The following IGSF23 variants were observed in gnomAD, a reference collection of about 807,000 sequenced individuals.
IGSF23 encodes the protein immunoglobulin superfamily member 23, also known as immunoglobulin superfamily, member 23.
Under a neutral mutation model 17.8 loss-of-function variants are expected in IGSF23, and 14 were observed. The observed-to-expected ratio is 0.79, with a 90% CI of 0.52 to 1.23. The LOEUF (loss-of-function observed/expected upper bound fraction) is 1.23. Ranked by LOEUF, IGSF23 falls within the 50% of genes most tolerant of loss-of-function variation. The pLI is 0.00. For synonymous variants in IGSF23, 85 were observed against 92.5 expected (o/e 0.92, Z 0.46); for missense variants, 214 against 241.7 (o/e 0.89, Z 0.76).
intron 1 of IGSF23, among the ~76,000 whole-genome samples, chr19:44,617,130 A>G (rs965731713): frequency 1.3e-5 from 2 of 151,734 alleles, no homozygotes; most frequent in Non-Finnish European, 2.9e-5. Context: ...CTTCTGGCTC[A>G]AGTAATCTTC....
At chr19:44,635,165 T>C (rs1405081963) in intron 3 of IGSF23, among the ~76,000 whole-genome samples, 1 of 152,208 alleles carries the variant, frequency 6.6e-6, no homozygotes, top group Non-Finnish European at 1.5e-5. Context: ...TTCTCTATGC[T>C]CATCCCTGGG....
In IGSF23 at chr19:44,629,479, T is replaced by G. The variant is rs543113915; in HGVS notation, c.545+1906T>G. The stretch of plus-strand genomic sequence containing the variant: ...TGGGAAGCTGAGGTGGGAGGATTGC[T>G]TGAGCCCAGGAATTTGAGGCTGCAG... On this transcript the variant is annotated intron_variant, in intron 3 of 4. Coordinates refer to ENST00000402988, the MANE Select transcript of IGSF23 (RefSeq NM_001205280.2). 3.9e-5 allele frequency among the ~76,000 whole-genome samples: 6 copies of G among 152,098 alleles called. No homozygotes were observed. In the South Asian group the frequency reaches 1.2e-3, roughly 32 times the overall value.
At chr19:44,632,159 GTATGCCTCAAT>G (rs1972782336) in intron 3 of IGSF23, 2 of 346,838 alleles carry the variant, frequency 5.8e-6, no homozygotes, top group Non-Finnish European at 1.1e-5. Context: ...TTTGAGGGCA[GTATGCCTCAAT>G]TATAGGAGGA....
At chr19:44,617,635 A>G (rs575557822) in intron 1 of IGSF23, among the ~76,000 whole-genome samples, 1 of 152,334 alleles carries the variant, frequency 6.6e-6, no homozygotes, top group South Asian at 2.1e-4. Context: ...TTAAAAATGT[A>G]CCATTCACAT....
chr19:44,613,747 A>T lies in IGSF23; in HGVS notation c.102A>T (p.Gly34=). ...TDPMLEKDAA[G]GDFPANLVLQ... is the part of the protein sequence containing the mutation. ...CGATGCTAGAGAAGGATGCGGCTGGAGGTGACTTCCCAGCCAACTTGGTGT... is the reference window on the plus strand; with the variant it reads ...CGATGCTAGAGAAGGATGCGGCTGGTGGTGACTTCCCAGCCAACTTGGTGT... Residue 34 remains glycine (G), a synonymous_variant, in exon 1 of 5, where the codon GGA becomes GGT. Coordinates refer to ENST00000402988, the MANE Select transcript of IGSF23 (RefSeq NM_001205280.2). The T allele has an allele frequency of 6.4e-7, 1 of 1,550,454 alleles. No individual in the cohort carries two copies. Among genetic ancestry groups the T allele is most frequent in the Non-Finnish European group, 8.7e-7 (1 of 1,146,930 alleles).
chr19:44,624,549 T>C (rs1972599459), intron 2 of IGSF23, among the ~76,000 whole-genome samples: 1 of 151,444 alleles, frequency 6.6e-6, no homozygotes, highest in Non-Finnish European at 1.5e-5. Flanking sequence ...CCTCCCAAAC[T>C]ACTGGGATTA....
intron 1 of IGSF23, among the ~76,000 whole-genome samples, chr19:44,619,259 T>G (rs1352804181): frequency 6.6e-6 from 1 of 152,070 alleles, no homozygotes; most frequent in Non-Finnish European, 1.5e-5. Flanking sequence ...CCCAAACACC[T>G]TTACTGAGGC....
chr19:44,631,849 G>A (rs941692977), intron 3 of IGSF23, among the ~76,000 whole-genome samples: 2 of 152,244 alleles, frequency 1.3e-5, no homozygotes, highest in African/African-American at 4.8e-5. Flanking sequence ...GGGTGGGCAA[G>A]GTGTTCCTTG....
chr19:44,632,963 T>C (rs1416496776), intron 3 of IGSF23, among the ~76,000 whole-genome samples: 2 of 152,230 alleles, frequency 1.3e-5, no homozygotes, highest in African/African-American at 2.4e-5. Context: ...ATCATATTAA[T>C]AGGCATATCA....
intron 1 of IGSF23, among the ~76,000 whole-genome samples, chr19:44,617,799 A>T (rs998310459): frequency 2.0e-5 from 3 of 152,144 alleles, no homozygotes; most frequent in Non-Finnish European, 4.4e-5. Context: ...GGGCTGGAAC[A>T]GAAGGACCCA....
At chr19:44,625,792 C>T (rs112027066) in intron 2 of IGSF23, among the ~76,000 whole-genome samples, 2,420 of 152,150 alleles carry the variant, frequency 0.016, 34 homozygotes, top group Non-Finnish European at 0.022. Context: ...GAGAGGGACC[C>T]GGTAGGAGGT....
intron 1 of IGSF23, among the ~76,000 whole-genome samples, chr19:44,616,991 T>A (rs906215171): frequency 1.3e-5 from 2 of 152,016 alleles, no homozygotes; most frequent in East Asian, 3.9e-4. Context: ...CTCAAACTCC[T>A]GGACTTGAGG....
At chr19:44,623,501 A>G (rs1972565648) in intron 1 of IGSF23, among the ~76,000 whole-genome samples, 1 of 152,222 alleles carries the variant, frequency 6.6e-6, no homozygotes, top group South Asian at 2.1e-4. Context: ...AACGGGATGC[A>G]GGTGCTGGCC....
At position 44,635,384 on chromosome 19, in the gene IGSF23, C is replaced by A; in HGVS notation, c.546-17C>A. 6.5e-7 allele frequency: 1 copy of A among 1,536,582 alleles called. No homozygotes were observed. The highest frequency in any genetic ancestry group is 8.8e-7 in the Non-Finnish European group (1 of 1,136,480). On this transcript the variant is annotated splice_polypyrimidine_tract_variant and intron_variant, in intron 3 of 4. Transcript: ENST00000402988. ...TCTCTCTCTCTCTCTCTGTCTCTCT[C>A]TCTCTCTCCACTGCAGGACTGACAG...
At chr19:44,628,102 G>A (rs771950825) in intron 3 of IGSF23, among the ~76,000 whole-genome samples, 23 of 151,972 alleles carry the variant, frequency 1.5e-4, no homozygotes, top group Non-Finnish European at 2.8e-4. Context: ...ATACCACCAC[G>A]CCTGGCTAAT....
chr19:44,619,058 C>T (rs1972453488), intron 1 of IGSF23, among the ~76,000 whole-genome samples: 1 of 151,822 alleles, frequency 6.6e-6, no homozygotes, highest in African/African-American at 2.4e-5. Flanking sequence ...AGCATCTGCT[C>T]AGCTTCTAAG....
chr19:44,629,516 C>A (rs1284580824), intron 3 of IGSF23, among the ~76,000 whole-genome samples: 2 of 151,790 alleles, frequency 1.3e-5, no homozygotes, highest in African/African-American at 4.8e-5. Context: ...GAGCGATGAT[C>A]GTGCCACCAC....
At position 44,613,651 on chromosome 19, in the gene IGSF23, A is replaced by G. The variant is rs1356571129; in HGVS notation, c.6A>G (p.Arg2=). M[R]AKPQSPLPRN... is the part of the protein sequence containing the mutation. ...GGGGATTGTACGGTGAGAGAATGAG[A>G]GCAAAACCTCAGAGCCCCCTTCCCA... The change falls in exon 1 of 5, where the codon AGA becomes AGG. Residue 2 remains arginine, a synonymous_variant. Transcript: ENST00000402988. 3.9e-6 allele frequency: 6 copies of G among 1,547,684 alleles called. No individual in the cohort carries two copies. Among genetic ancestry groups the G allele is most frequent in the Non-Finnish European group, 4.4e-6 (5 of 1,145,288 alleles).
chr19:44,615,193 G>C (rs1301467548), intron 1 of IGSF23, among the ~76,000 whole-genome samples: 1 of 152,160 alleles, frequency 6.6e-6, no homozygotes, highest in Admixed American at 6.5e-5. Flanking sequence ...GAAGGCTGAG[G>C]CAGGAGAATG....
Sources: allele counts gnomAD v4.1 joint callset (sites outside exome capture counted in the v4.1 genomes callset), GRCh38; gene constraint gnomAD v4.1.1; transcripts MANE v1.5; gene names NCBI Gene and HGNC (gene_info 2026-07-23, HGNC 2026-07-21).